The following BAZ2B variants were observed in gnomAD, a reference collection of about 807,000 sequenced individuals.
BAZ2B encodes bromodomain adjacent to zinc finger domain 2B, also known as bromodomain adjacent to zinc finger domain protein 2B.
Under a neutral mutation model 246.0 loss-of-function variants are expected in BAZ2B, and 91 were observed. The observed-to-expected ratio is 0.37, with a 90% CI of 0.31 to 0.44. The LOEUF (loss-of-function observed/expected upper bound fraction) is 0.44. BAZ2B is among the 20% of genes least tolerant of loss of function. BAZ2B has a pLI of 1.00. For missense variants in BAZ2B, 2,332 were observed against 2,533.7 expected (o/e 0.92, Z 1.71); for synonymous variants, 855 against 860.0 (o/e 0.99, Z 0.10).
At chr2:159,578,106 G>A (rs1685788396) in intron 1 of BAZ2B, among the ~76,000 whole-genome samples, 1 of 152,076 alleles carries the variant, frequency 6.6e-6, no homozygotes, top group Non-Finnish European at 1.5e-5. Flanking sequence ...AAAAACTCTA[G>A]TGCTTAGCTT....
intron 25 of BAZ2B, among the ~76,000 whole-genome samples, chr2:159,377,614 ACCAGCCTGG>A (rs1309453616): frequency 5.3e-5 from 8 of 152,060 alleles, no homozygotes; most frequent in Non-Finnish European, 1.0e-4. Context: ...AGAGATCGAG[ACCAGCCTGG>A]CCAACATGGT....
the BAZ2B span, among the ~76,000 whole-genome samples, chr2:159,652,907 T>C: frequency 2.0e-5 from 3 of 151,030 alleles, no homozygotes; most frequent in Non-Finnish European, 4.4e-5. Context: ...CATGAGCCAC[T>C]GTGCCTGACC....
At chr2:159,377,684 G>A (rs890889269) in intron 25 of BAZ2B, among the ~76,000 whole-genome samples, 1 of 151,722 alleles carries the variant, frequency 6.6e-6, no homozygotes, top group African/African-American at 2.4e-5. Context: ...GTGGTGGCAG[G>A]CACCTGTAAT....
chr2:159,489,372 CA>C (rs1378268916), intron 2 of BAZ2B, among the ~76,000 whole-genome samples: 1 of 152,008 alleles, frequency 6.6e-6, no homozygotes, highest in African/African-American at 2.4e-5. Flanking sequence ...GTCTGAACAA[CA>C]GACAAAATAA....
Position 159,386,582 on chromosome 2 carries a change from G to A in BAZ2B, c.3242C>T (p.Pro1081Leu). 10 of 1,607,124 alleles carry A rather than the reference G, an allele frequency of 6.2e-6. No individual in the cohort carries two copies. The South Asian group carries it at 1.1e-4, about 18-fold the overall frequency. ...QKPLPELPRI[P>L]GLVLSGSTFS... ...TGTACTTCCAGAGAGAACAAGTCCT[G>A]GAATACGAGGCAACTCTGGCAAAGG... The change falls in exon 22 of 37, where the codon CCA (proline) becomes CTA (leucine). Residue 1081 changes from proline (P) to leucine (L), a missense_variant. Around this residue, in one of 9 missense-constraint regions of BAZ2B, gnomAD observed 328 missense variants for 410.4 expected, o/e 0.80. Coordinates refer to ENST00000392783, the MANE Select transcript of BAZ2B (RefSeq NM_013450.4).
chr2:159,405,763 A>G (rs2065839230), intron 14 of BAZ2B, among the ~76,000 whole-genome samples: 1 of 152,072 alleles, frequency 6.6e-6, no homozygotes, highest in Admixed American at 6.5e-5. Context: ...TAGTGGGAAA[A>G]TAGCTGCTAA....
intron 36 of BAZ2B, among the ~76,000 whole-genome samples, chr2:159,320,882 T>C (rs2062638999): frequency 6.6e-6 from 1 of 152,236 alleles, no homozygotes; most frequent in African/African-American, 2.4e-5. Flanking sequence ...GTAGCTTCTA[T>C]ATACACCCCA....
Position 159,412,363 on chromosome 2 carries a change from T to C in BAZ2B, c.2649A>G (p.Ala883=). The change falls in exon 14 of 37, where the codon GCA becomes GCG. Residue 883 remains alanine, a synonymous_variant. Transcript: ENST00000392783. The part of the protein sequence containing the change: ...GNAEFLDNAD[A]KLLRKLQAQE... ...GAGCTTGCAGTTTTCTTAGCAACTT[T>C]GCATCTGCGTTATCTAGGAATTCAG... The C allele has an allele frequency of 6.2e-7, 1 of 1,614,154 alleles. No homozygotes were observed. The highest frequency in any genetic ancestry group is 8.5e-7 in the Non-Finnish European group (1 of 1,180,012).
chr2:159,459,214 G>T (rs1170936542), intron 3 of BAZ2B: 1 of 152,144 alleles, frequency 6.6e-6, no homozygotes, highest in Admixed American at 6.5e-5. Flanking sequence ...TAAAAGTTAT[G>T]AAGGAAACAG....
At chr2:159,710,501 C>T in the BAZ2B span, among the ~76,000 whole-genome samples, 1 of 152,162 alleles carries the variant, frequency 6.6e-6, no homozygotes. Context: ...AGCCACGGCG[C>T]CCGGCTGCAA....
chr2:159,558,370 C>T (rs2089456421), intron 1 of BAZ2B, among the ~76,000 whole-genome samples: 1 of 152,186 alleles, frequency 6.6e-6, no homozygotes, highest in Admixed American at 6.5e-5. Context: ...AATTCTCCCG[C>T]CTCAGCCTTC....
chr2:159,701,688 T>G, the BAZ2B span, among the ~76,000 whole-genome samples: 2 of 147,890 alleles, frequency 1.4e-5, no homozygotes, highest in African/African-American at 4.9e-5. Context: ...TATTGTATTA[T>G]ATTATACTTT....
intron 13 of BAZ2B, among the ~76,000 whole-genome samples, chr2:159,417,432 A>G (rs1252860312): frequency 6.6e-6 from 1 of 152,144 alleles, no homozygotes; most frequent in Non-Finnish European, 1.5e-5. Context: ...TGGCCTCCCA[A>G]AGTGTTTGGA....
At chr2:159,398,083 T>C (rs1576533329) in intron 18 of BAZ2B, 1 of 152,152 alleles carries the variant, frequency 6.6e-6, no homozygotes, top group African/African-American at 2.4e-5. Flanking sequence ...AAAAATAAAG[T>C]AAGACAGTCT....
At chr2:159,628,716 C>T in the BAZ2B span, among the ~76,000 whole-genome samples, 4 of 152,042 alleles carry the variant, frequency 2.6e-5, no homozygotes, top group African/African-American at 4.8e-5. Flanking sequence ...CCATAAAAAC[C>T]CTAGAAGAAA....
intron 14 of BAZ2B, among the ~76,000 whole-genome samples, chr2:159,405,974 C>A (rs1209196482): frequency 2.0e-5 from 3 of 152,170 alleles, no homozygotes; most frequent in Non-Finnish European, 4.4e-5. Context: ...AGCAGAATTT[C>A]AATGACTTTT....
chr2:159,595,590 C>T (rs1490940460), intron 1 of BAZ2B, among the ~76,000 whole-genome samples: 1 of 152,222 alleles, frequency 6.6e-6, no homozygotes, highest in Non-Finnish European at 1.5e-5. Context: ...TCCAACTTTT[C>T]TCTGTAAAAC....
chr2:159,415,484 T>C (rs906313850), intron 13 of BAZ2B, among the ~76,000 whole-genome samples: 1 of 149,060 alleles, frequency 6.7e-6, no homozygotes, highest in Non-Finnish European at 1.5e-5. Flanking sequence ...CATAAATACA[T>C]GTATCCTGCA....
chr2:159,360,588 G>GA (rs1045722793), intron 27 of BAZ2B, among the ~76,000 whole-genome samples: 4 of 151,902 alleles, frequency 2.6e-5, no homozygotes, highest in African/African-American at 4.8e-5. Context: ...CACAGAATTA[G>GA]AAAAAAACTA....
Sources: gnomAD v4.1 joint callset for allele counts (sites outside exome capture counted in the v4.1 genomes callset) on GRCh38, gnomAD v4.1.1 for gene constraint, gnomAD v4.1.1 regional missense constraint, MANE v1.5 for transcripts, NCBI Gene and HGNC (gene_info 2026-07-23, HGNC 2026-07-21) for gene names.